The following SYT17 variants were observed in gnomAD, a reference collection of about 807,000 sequenced individuals.
SYT17 encodes synaptotagmin 17, also known as synaptotagmin-17.
A neutral mutation model predicts 46.7 loss-of-function variants in SYT17; 22 were observed. That is an observed-to-expected ratio of 0.47 (90% CI 0.34 to 0.67). SYT17 has a LOEUF of 0.67. SYT17 is among the 30% of genes least tolerant of loss of function. The pLI, the probability that SYT17 is intolerant of heterozygous loss-of-function variation, is 0.01. For missense variants in SYT17, 519 were observed against 612.8 expected, an observed-to-expected ratio of 0.85 and a Z score of 1.62; for synonymous variants, 251 against 248.4, an observed-to-expected ratio of 1.01 and a Z score of -0.10.
At chr16:19,228,614 G>T (rs1443266909) in intron 7 of SYT17, among the ~76,000 whole-genome samples, 1 of 152,164 alleles carries the variant, frequency 6.6e-6, no homozygotes, top group African/African-American at 2.4e-5. Context: ...TATTTCTATT[G>T]CTCATTCATT....
At chr16:19,235,333 A>G (rs1966838980) in intron 7 of SYT17, among the ~76,000 whole-genome samples, 3 of 152,224 alleles carry the variant, frequency 2.0e-5, no homozygotes. Context: ...CCTTGGGGAC[A>G]CATCTGAGGG....
intron 6 of SYT17, 104 bp downstream of exon 6, chr16:19,223,269 C>CCTGAGATGAGTAA: frequency 2.1e-6 from 3 of 1,409,742 alleles, no homozygotes; most frequent in Non-Finnish European, 2.9e-6. Context: ...CATTACTCAT[C>CCTGAGATGAGTAA]TCAGGATGAG....
intron 5 of SYT17, among the ~76,000 whole-genome samples, chr16:19,200,448 T>C (rs1300455783): frequency 1.3e-5 from 2 of 152,268 alleles, no homozygotes; most frequent in African/African-American, 4.8e-5. Flanking sequence ...CACTAAATGG[T>C]TGAATCCATT....
Position 19,267,293 on chromosome 16 carries a change from G to T in SYT17, c.*217G>T. On this transcript the variant is annotated 3_prime_UTR_variant, in exon 8 of 8. Transcript: ENST00000355377. ...GCCGCCCTCAGTTGAGTGAGGCCTAGGAACTTTCCGGAAGCCCCATCCATA... is the reference window on the plus strand; with the variant it reads ...GCCGCCCTCAGTTGAGTGAGGCCTATGAACTTTCCGGAAGCCCCATCCATA... 2.2e-6 allele frequency: 1 copy of T among 461,246 alleles called. No individual in the cohort carries two copies. The highest frequency in any genetic ancestry group is 3.8e-6 in the Non-Finnish European group (1 of 260,928). The allele number at this position is 461,246 out of a possible 1,614,324, so 28.6% of individuals were successfully genotyped here.
rs1057233132 is a variant in SYT17 at position 19,242,534 on chromosome 16, A to AT, written c.1228+17704dup. ...GATACATTTTTTTTTAATTAAAAAA[A>AT]TTTTTTTTGAGATGGGGTCTCACTC... On this transcript the variant is annotated intron_variant, in intron 7 of 7. Transcript: ENST00000355377. Among the ~76,000 whole-genome samples the AT allele has an allele frequency of 8.6e-5, 13 of 151,356 alleles. No homozygotes were observed. The South Asian group carries it at 2.5e-3, about 29-fold the overall frequency.
At chr16:19,201,911 A>G (rs1965482296) in intron 5 of SYT17, among the ~76,000 whole-genome samples, 1 of 152,118 alleles carries the variant, frequency 6.6e-6, no homozygotes, top group Non-Finnish European at 1.5e-5. Context: ...CTGAGCCTCA[A>G]TTTTCAGGGG....
chr16:19,184,250 T>C, intron 5 of SYT17, 103 bp downstream of exon 5: 1 of 1,428,904 alleles, frequency 7.0e-7, no homozygotes, highest in Non-Finnish European at 9.3e-7. Flanking sequence ...TTTTTAAAAC[T>C]TTTTATTTTG....
chr16:19,204,067 G>A (rs1965572702), intron 5 of SYT17, among the ~76,000 whole-genome samples: 1 of 152,180 alleles, frequency 6.6e-6, no homozygotes, highest in Non-Finnish European at 1.5e-5. Flanking sequence ...TGAGGTTGCT[G>A]TTTCTGGAGC....
Position 19,183,880 on chromosome 16 carries a change from C to T in SYT17, c.684C>T (p.Asn228=). ...DGSRQDMAHS[N]PYVKICLLPD... ...CGCGCCAGGACATGGCGCACTCCAA[C>T]CCCTACGTCAAGATCTGTCTCCTGC... The change falls in exon 5 of 8, where the codon AAC becomes AAT. Residue 228 remains asparagine (N), a synonymous_variant. Transcript: ENST00000355377. This position sits in a 1 kb window ranked among gnomAD's most constrained non-coding sequence, Gnocchi z 5.6. 12 of 1,614,210 alleles carry T rather than the reference C, an allele frequency of 7.4e-6. No homozygotes were observed. Among genetic ancestry groups the T allele is most frequent in the African/African-American group, 1.3e-5 (1 of 75,060 alleles).
At chr16:19,198,547 TA>T (rs1428496245) in intron 5 of SYT17, among the ~76,000 whole-genome samples, 1 of 152,138 alleles carries the variant, frequency 6.6e-6, no homozygotes, top group Non-Finnish European at 1.5e-5. Context: ...GGGCTATTAT[TA>T]TTCCCATTTT....
At chr16:19,205,402 T>A (rs1208766833) in intron 5 of SYT17, among the ~76,000 whole-genome samples, 2 of 151,304 alleles carry the variant, frequency 1.3e-5, no homozygotes, top group African/African-American at 2.4e-5. Flanking sequence ...CCTCTTTTCT[T>A]CACTCAGGTT....
intron 5 of SYT17, among the ~76,000 whole-genome samples, chr16:19,194,890 G>A (rs537343642): frequency 2.0e-5 from 3 of 152,290 alleles, no homozygotes; most frequent in South Asian, 2.1e-4. Context: ...GAGCCATCAC[G>A]CCCAGCCAAA....
chr16:19,223,328 A>T (rs1234909110), intron 6 of SYT17, among the ~76,000 whole-genome samples, 163 bp downstream of exon 6: 2 of 152,190 alleles, frequency 1.3e-5, no homozygotes, highest in East Asian at 3.8e-4. Context: ...TGGGGAGTTG[A>T]CTGAGACTGG....
chr16:19,221,926 T>C (rs1966332686), intron 5 of SYT17, among the ~76,000 whole-genome samples: 2 of 151,540 alleles, frequency 1.3e-5, no homozygotes, highest in Non-Finnish European at 2.9e-5. Flanking sequence ...ATATGGGGAG[T>C]TGAATGAAGG....
rs1262942993 is a variant in SYT17, at chr16:19,183,505, T to C, written c.332-23T>C. 21 of 1,611,812 alleles carry C rather than the reference T, an allele frequency of 1.3e-5. No individual in the cohort carries two copies. The South Asian group carries it at 2.0e-4, about 15-fold the overall frequency. ...TCTGCCCCGTATGTGGCTGTCTTCA[T>C]TGTTATTTCTGGTGGCTCTCAGGTC... On this transcript the variant is annotated intron_variant, in intron 4 of 7. Transcript: ENST00000355377. This position sits in a 1 kb window ranked among gnomAD's most constrained non-coding sequence, Gnocchi z 5.6.
intron 3 of SYT17, among the ~76,000 whole-genome samples, chr16:19,175,355 A>G (rs1429166303): frequency 6.6e-6 from 1 of 152,040 alleles, no homozygotes; most frequent in Non-Finnish European, 1.5e-5. Context: ...CAACTCATTA[A>G]TCAAGAGATA....
At chr16:19,217,085 A>C (rs925088056) in intron 5 of SYT17, among the ~76,000 whole-genome samples, 2 of 152,198 alleles carry the variant, frequency 1.3e-5, no homozygotes, top group Non-Finnish European at 2.9e-5. Context: ...AACTGGTGTA[A>C]GATGATATCT....
intron 7 of SYT17, among the ~76,000 whole-genome samples, chr16:19,254,636 A>G (rs1287157693): frequency 6.6e-6 from 1 of 152,214 alleles, no homozygotes. Flanking sequence ...CCCAAAGCTC[A>G]TGACGTAGAT....
chr16:19,231,983 A>C (rs1461268715), intron 7 of SYT17, among the ~76,000 whole-genome samples: 1 of 152,192 alleles, frequency 6.6e-6, no homozygotes, highest in Non-Finnish European at 1.5e-5. Flanking sequence ...AGGAGCTGAC[A>C]CGTGAGCTGG....
Sources: gnomAD v4.1 joint callset for allele counts (sites outside exome capture counted in the v4.1 genomes callset) on GRCh38, gnomAD v4.1.1 for gene constraint, Gnocchi (gnomAD v3.1) non-coding constraint, MANE v1.5 for transcripts, NCBI Gene and HGNC (gene_info 2026-07-23, HGNC 2026-07-21) for gene names.